PDE8A: variants seen among roughly 807,000 people sequenced by gnomAD.
PDE8A encodes high affinity cAMP-specific and IBMX-insensitive 3',5'-cyclic phosphodiesterase 8A.
A neutral mutation model predicts 105.0 loss-of-function variants in PDE8A; 59 were observed. The ratio of observed to expected loss-of-function variants is 0.56; its 90% confidence interval spans 0.46 to 0.70. PDE8A has a LOEUF of 0.70. Ranked by LOEUF, PDE8A falls within the 30% of genes least tolerant of loss-of-function variation. PDE8A has a pLI of 0.00. For missense variants in PDE8A, 1,014 were observed against 1,045.9 expected (o/e 0.97, Z 0.42); for synonymous variants, 355 against 371.9 (o/e 0.95, Z 0.52).
At chr15:85,025,445 G>A (rs563202741) in intron 1 of PDE8A, among the ~76,000 whole-genome samples, 1 of 152,142 alleles carries the variant, frequency 6.6e-6, no homozygotes, top group South Asian at 2.1e-4. Flanking sequence ...GGGGGTGTGG[G>A]GGCAGGCAGT....
intron 17 of PDE8A, among the ~76,000 whole-genome samples, chr15:85,118,523 A>G (rs944879970): frequency 1.3e-5 from 2 of 152,104 alleles, no homozygotes; most frequent in East Asian, 1.9e-4. Context: ...CCTACTGCCA[A>G]TGTGATCTTT....
At chr15:85,130,607 C>T (rs1275551902) in intron 20 of PDE8A, among the ~76,000 whole-genome samples, 2 of 152,140 alleles carry the variant, frequency 1.3e-5, no homozygotes, top group African/African-American at 4.8e-5. Flanking sequence ...ATTGTTCAAA[C>T]TCTATTGTCT....
At chr15:85,137,567 CCA>C (rs2082431922) in intron 21 of PDE8A, among the ~76,000 whole-genome samples, 1 of 152,168 alleles carries the variant, frequency 6.6e-6, no homozygotes, top group African/African-American at 2.4e-5. Context: ...GTTTTATTTA[CCA>C]CAGTTACCAG....
chr15:85,039,192 G>GA (rs1427884278), intron 1 of PDE8A, among the ~76,000 whole-genome samples: 1 of 152,050 alleles, frequency 6.6e-6, no homozygotes, highest in African/African-American at 2.4e-5. Context: ...TTGGGAGGCT[G>GA]AGACGGGAGG....
upstream of PDE8A, among the ~76,000 whole-genome samples, chr15:84,981,280 A>C (rs1245392051): frequency 2.6e-5 from 4 of 151,852 alleles, no homozygotes; most frequent in Admixed American, 2.6e-4. Flanking sequence ...CGTCCGGAGG[A>C]GGTGGCGGGC....
chr15:85,130,746 T>C (rs1043949861), intron 20 of PDE8A, among the ~76,000 whole-genome samples: 2 of 152,230 alleles, frequency 1.3e-5, no homozygotes, highest in Non-Finnish European at 2.9e-5. Flanking sequence ...TTGATGCTTA[T>C]ATGCTTATAA....
intron 20 of PDE8A, among the ~76,000 whole-genome samples, chr15:85,127,822 G>T (rs1372040920): frequency 6.6e-6 from 1 of 151,922 alleles, no homozygotes; most frequent in African/African-American, 2.4e-5. Flanking sequence ...AATTATATAT[G>T]AAAATGAGAA....
At chr15:85,114,059 C>A in intron 14 of PDE8A, 22 bp downstream of exon 14, 1 of 1,599,878 alleles carries the variant, frequency 6.3e-7, no homozygotes, top group Non-Finnish European at 8.6e-7. Context: ...TGACTAGACT[C>A]TTGGCTAGAG....
At position 85,100,203 on chromosome 15, in the gene PDE8A, G is replaced by A. The variant is rs761494824; in HGVS notation, c.1036+5G>A. 11 of 1,609,132 alleles carry A rather than the reference G, an allele frequency of 6.8e-6. No homozygotes were observed. The highest frequency in any genetic ancestry group is 1.6e-4 in the Middle Eastern group (1 of 6,066). Reference sequence around the variant, plus strand: ...TTCAGTCTGACACTCATACAGGTACGGTGCCCCGTATTTATTCTTAGAGTT... The same window carrying A: ...TTCAGTCTGACACTCATACAGGTACAGTGCCCCGTATTTATTCTTAGAGTT... On this transcript the variant is annotated splice_donor_5th_base_variant and intron_variant, in intron 11 of 21. Coordinates refer to ENST00000394553, the MANE Select transcript of PDE8A (RefSeq NM_002605.3).
At chr15:85,006,010 T>C (rs1185499451) in intron 1 of PDE8A, among the ~76,000 whole-genome samples, 3 of 152,022 alleles carry the variant, frequency 2.0e-5, no homozygotes, top group Non-Finnish European at 4.4e-5. Context: ...AGTTGCAGAA[T>C]TCTGGAGATT....
intron 11 of PDE8A, among the ~76,000 whole-genome samples, chr15:85,102,169 C>G (rs1209177426): frequency 6.6e-6 from 1 of 151,974 alleles, no homozygotes; most frequent in South Asian, 2.1e-4. Flanking sequence ...CTAGAGACCA[C>G]CCACCTCCAG....
At chr15:85,077,642 A>C (rs892807889) in intron 5 of PDE8A, among the ~76,000 whole-genome samples, 1 of 152,208 alleles carries the variant, frequency 6.6e-6, no homozygotes, top group East Asian at 1.9e-4. Flanking sequence ...GTGACAGGGC[A>C]TCCCAAGGAA....
At chr15:85,053,141 T>C (rs1327690774) in intron 1 of PDE8A, among the ~76,000 whole-genome samples, 1 of 152,150 alleles carries the variant, frequency 6.6e-6, no homozygotes, top group Non-Finnish European at 1.5e-5. Flanking sequence ...AGATGTATGG[T>C]ATTATTTCTG....
intron 1 of PDE8A, among the ~76,000 whole-genome samples, chr15:85,004,497 C>T (rs113582155): frequency 4.8e-4 from 73 of 152,300 alleles, no homozygotes; most frequent in African/African-American, 1.7e-3. Context: ...ATTGCAAACC[C>T]GTATTGTGAA....
intron 1 of PDE8A, among the ~76,000 whole-genome samples, chr15:85,002,976 C>T (rs1273285900): frequency 6.6e-6 from 1 of 152,076 alleles, no homozygotes; most frequent in Non-Finnish European, 1.5e-5. Context: ...CACAACTATA[C>T]TTTGGTATTT....
At chr15:85,113,574 T>A in intron 13 of PDE8A, 127 bp downstream of exon 13, 1 of 827,302 alleles carries the variant, frequency 1.2e-6, no homozygotes, top group South Asian at 1.4e-5. Context: ...GTGGTGCTAG[T>A]AGCCTCCTCT....
At chr15:85,083,960 C>T (rs1195420719) in intron 6 of PDE8A, among the ~76,000 whole-genome samples, 3 of 151,888 alleles carry the variant, frequency 2.0e-5, no homozygotes, top group East Asian at 1.9e-4. Context: ...TAATATACAC[C>T]CCCCCAATCT....
intron 1 of PDE8A, among the ~76,000 whole-genome samples, chr15:85,043,704 G>GTTTT (rs1318470855): frequency 3.5e-4 from 38 of 107,226 alleles, no homozygotes; most frequent in African/African-American, 1.1e-3. Context: ...TTGTTTGTTT[G>GTTTT]TTTGTTTTTT....
At chr15:85,116,271 T>A in intron 16 of PDE8A, 152 bp downstream of exon 16, 1 of 656,332 alleles carries the variant, frequency 1.5e-6, no homozygotes, top group Non-Finnish European at 2.6e-6. Context: ...TGGCTCTGAG[T>A]CACCAGGGCC....
Sources: allele counts gnomAD v4.1 joint callset (sites outside exome capture counted in the v4.1 genomes callset), GRCh38; gene constraint gnomAD v4.1.1; transcripts MANE v1.5; gene names NCBI Gene and HGNC (gene_info 2026-07-23, HGNC 2026-07-21).